FOXP1: variants seen among roughly 807,000 people sequenced by gnomAD.
FOXP1 encodes forkhead box P1, also known as forkhead box protein P1.
A neutral mutation model predicts 98.2 loss-of-function variants in FOXP1; 15 were observed. The observed-to-expected ratio is 0.15, with a 90% CI of 0.10 to 0.24. The LOEUF (loss-of-function observed/expected upper bound fraction) is 0.24, where lower values mean the gene tolerates loss of function less well. Among genes scored for constraint, FOXP1 ranks in the 10% least tolerant of loss-of-function variants. FOXP1 has a pLI of 1.00. For synonymous variants in FOXP1, 371 were observed against 314.5 expected (o/e 1.18, Z -1.90); for missense variants, 633 against 848.5 (o/e 0.75, Z 3.15).
chr3:71,583,577 C>T lies in FOXP1; in HGVS notation c.-453G>A. The T allele has an allele frequency of 2.0e-6, 2 of 983,806 alleles. No individual in the cohort carries two copies. Among genetic ancestry groups the T allele is most frequent in the Non-Finnish European group, 1.2e-6 (1 of 829,550 alleles). The allele number at this position is 983,806 out of a possible 1,614,324, so 60.9% of individuals were successfully genotyped here. A position where few individuals can be genotyped will look rare whatever the true frequency, so the allele number is the denominator to read the frequency against. On this transcript the variant is annotated 5_prime_UTR_variant, in exon 1 of 21. Coordinates refer to ENST00000649528, the MANE Select transcript of FOXP1 (RefSeq NM_001349338.3). ...TGGAAAAATACAAACTCACCCGCTGCAAATGGTCTCTCGGTGCAAACTAAG... is the reference window on the plus strand; with the variant it reads ...TGGAAAAATACAAACTCACCCGCTGTAAATGGTCTCTCGGTGCAAACTAAG...
At chr3:71,105,534 G>A (rs2057351157) in intron 7 of FOXP1, among the ~76,000 whole-genome samples, 1 of 152,046 alleles carries the variant, frequency 6.6e-6, no homozygotes, top group Non-Finnish European at 1.5e-5. Flanking sequence ...AAAATGGCAG[G>A]AGCACTCTTA....
intron 4 of FOXP1, among the ~76,000 whole-genome samples, chr3:71,308,824 T>G (rs929115007): frequency 6.8e-6 from 1 of 146,986 alleles, no homozygotes; most frequent in African/African-American, 2.5e-5. Context: ...GGGGGACAGC[T>G]CCAAAGCAAC....
At chr3:71,024,830 A>T (rs1394667202) in intron 11 of FOXP1, among the ~76,000 whole-genome samples, 1 of 152,204 alleles carries the variant, frequency 6.6e-6, no homozygotes, top group East Asian at 1.9e-4. Context: ...CATCTGAAAT[A>T]CAAGCTATTA....
intron 2 of FOXP1, among the ~76,000 whole-genome samples, chr3:71,537,263 C>T (rs183676869): frequency 4.8e-4 from 73 of 152,314 alleles, no homozygotes; most frequent in African/African-American, 1.6e-3. Context: ...TCAGTTCCAG[C>T]TGGATTTAGG....
intron 2 of FOXP1, among the ~76,000 whole-genome samples, chr3:71,574,701 G>C (rs2047594515): frequency 6.6e-6 from 1 of 152,078 alleles, no homozygotes; most frequent in East Asian, 1.9e-4. Flanking sequence ...AAATTCTAGA[G>C]AGTCATCTGA....
rs397704711 is a variant in FOXP1, at chr3:71,177,840, C to CTTTTTTT, written c.180+20355_180+20361dup. Reference sequence around the variant, plus strand: ...ATAGTTTATTTTCTTTTCTTTCTTTCTTTTTTTTTTTTTTTTTTTGAGAAA... The same window carrying CTTTTTTT: ...ATAGTTTATTTTCTTTTCTTTCTTTCTTTTTTTTTTTTTTTTTTTTTTTTTTGAGAAA... On this transcript the variant is annotated intron_variant, in intron 6 of 20. Transcript: ENST00000649528. Among the ~76,000 whole-genome samples, 612 of 114,826 alleles carry CTTTTTTT rather than the reference C, an allele frequency of 5.3e-3. 2 individuals are homozygous for CTTTTTTT. The highest frequency in any genetic ancestry group is 6.0e-3 in the African/African-American group (170 of 28,444). 75.3% of individuals were successfully genotyped at this position (114,826 alleles called of 152,430 possible). A position where few individuals can be genotyped will look rare whatever the true frequency, so the allele number is the denominator to read the frequency against.
At chr3:71,401,500 C>T (rs947845766) in intron 3 of FOXP1, among the ~76,000 whole-genome samples, 3 of 152,358 alleles carry the variant, frequency 2.0e-5, no homozygotes, top group East Asian at 3.9e-4. Context: ...GAGGCAGCAG[C>T]TGAAAGCCTC....
intron 4 of FOXP1, among the ~76,000 whole-genome samples, chr3:71,316,165 G>A (rs751077761): frequency 3.3e-5 from 5 of 152,178 alleles, no homozygotes; most frequent in Non-Finnish European, 5.9e-5. Flanking sequence ...GGTACTCAGG[G>A]ATGGTGTTTA....
chr3:71,122,786 G>C (rs974386255), intron 6 of FOXP1, among the ~76,000 whole-genome samples: 1 of 152,122 alleles, frequency 6.6e-6, no homozygotes, highest in African/African-American at 2.4e-5. Flanking sequence ...GAGTGGCTAG[G>C]ATGGAAAAAC....
At chr3:71,001,315 A>G (rs1371180376) in intron 12 of FOXP1, among the ~76,000 whole-genome samples, 1 of 152,198 alleles carries the variant, frequency 6.6e-6, no homozygotes, top group African/African-American at 2.4e-5. Flanking sequence ...ATTTACACAT[A>G]AATAAGTAAG....
intron 3 of FOXP1, among the ~76,000 whole-genome samples, chr3:71,374,723 G>A (rs777860384): frequency 7.9e-5 from 12 of 152,204 alleles, no homozygotes; most frequent in Non-Finnish European, 1.8e-4. Context: ...AACTATGCCT[G>A]TCCCAGTGTA....
chr3:71,229,115 G>A (rs974336431), intron 5 of FOXP1, among the ~76,000 whole-genome samples: 2 of 151,970 alleles, frequency 1.3e-5, no homozygotes, highest in Non-Finnish European at 2.9e-5. Flanking sequence ...TGTATTTACT[G>A]GGAGAATGGG....
intron 5 of FOXP1, among the ~76,000 whole-genome samples, chr3:71,221,369 C>T (rs2065367419): frequency 6.6e-6 from 1 of 152,158 alleles, no homozygotes; most frequent in Admixed American, 6.5e-5. Flanking sequence ...TGGAGAGTGA[C>T]AGAAGACTTA....
chr3:71,162,452 G>A (rs1012489557), intron 6 of FOXP1, among the ~76,000 whole-genome samples: 4 of 152,200 alleles, frequency 2.6e-5, no homozygotes, highest in African/African-American at 7.2e-5. Context: ...ACTGAAGGGG[G>A]AGCCAGTACC....
rs73837114 is a variant in FOXP1, at chr3:71,348,556, C to T, written c.-73+10594G>A. On this transcript the variant is annotated intron_variant, in intron 4 of 20. Coordinates refer to ENST00000649528, the MANE Select transcript of FOXP1 (RefSeq NM_001349338.3). The stretch of plus-strand genomic sequence containing the variant: ...GTGTGTGTGTGTGTGTGTGCGTGCG[C>T]GCGCGCACGCATATGCATGTGTGTA... Among the ~76,000 whole-genome samples, 53 of 127,224 alleles carry T rather than the reference C, an allele frequency of 4.2e-4. 1 individual carries two copies. The highest frequency in any genetic ancestry group is 3.9e-3 in the South Asian group (17 of 4,312). 83.5% of individuals were successfully genotyped at this position (127,224 alleles called of 152,430 possible). A position where few individuals can be genotyped will look rare whatever the true frequency, so the allele number is the denominator to read the frequency against.
intron 5 of FOXP1, among the ~76,000 whole-genome samples, chr3:71,225,002 A>G (rs982102207): frequency 6.6e-6 from 1 of 152,216 alleles, no homozygotes; most frequent in African/African-American, 2.4e-5. Context: ...TACATGACCT[A>G]TACAATACCT....
At chr3:71,557,270 A>G (rs2046211765) in intron 2 of FOXP1, among the ~76,000 whole-genome samples, 1 of 152,040 alleles carries the variant, frequency 6.6e-6, no homozygotes, top group African/African-American at 2.4e-5. Context: ...TGAGTAAGAT[A>G]TATGTTTGGA....
intron 3 of FOXP1, among the ~76,000 whole-genome samples, chr3:71,377,503 T>A (rs1450583753): frequency 6.6e-6 from 1 of 152,210 alleles, no homozygotes; most frequent in Non-Finnish European, 1.5e-5. Flanking sequence ...AAGTACTTTT[T>A]CATCCCCATC....
chr3:71,496,118 GCTAA>G (rs1212746511), intron 2 of FOXP1, among the ~76,000 whole-genome samples: 1 of 152,164 alleles, frequency 6.6e-6, no homozygotes, highest in Non-Finnish European at 1.5e-5. Flanking sequence ...AAAGATGGCA[GCTAA>G]CTTTTTAAAT....
Sources: gnomAD v4.1 joint callset for allele counts (sites outside exome capture counted in the v4.1 genomes callset) on GRCh38, gnomAD v4.1.1 for gene constraint, MANE v1.5 for transcripts, NCBI Gene and HGNC (gene_info 2026-07-23, HGNC 2026-07-21) for gene names.